Variants in FCHSD2 observed in about 807,000 individuals in gnomAD.
FCHSD2 encodes FCH and double SH3 domains 2.
In FCHSD2, 38 loss-of-function variants were observed where a neutral mutation model predicts 108.1. That is an observed-to-expected ratio of 0.35 (90% CI 0.27 to 0.46). The LOEUF (loss-of-function observed/expected upper bound fraction) is 0.46, where lower values mean the gene tolerates loss of function less well. Ranked by LOEUF, FCHSD2 falls within the 20% of genes least tolerant of loss-of-function variation. FCHSD2 has a pLI of 1.00. For synonymous variants in FCHSD2, 279 were observed against 314.7 expected, an observed-to-expected ratio of 0.89 and a Z score of 1.20; for missense variants, 751 against 897.8, an observed-to-expected ratio of 0.84 and a Z score of 2.09.
intron 13 of FCHSD2, among the ~76,000 whole-genome samples, chr11:72,864,765 T>C (rs1353596072): frequency 1.3e-5 from 2 of 152,208 alleles, no homozygotes; most frequent in Non-Finnish European, 1.5e-5. Flanking sequence ...ATATCAAAAG[T>C]CAGGTTGTCA....
intron 8 of FCHSD2, 31 bp from the exon 9 acceptor site, chr11:72,921,981 A>T: frequency 6.6e-7 from 1 of 1,511,018 alleles, no homozygotes; most frequent in East Asian, 2.4e-5. Flanking sequence ...AAAGAAAAAA[A>T]ATTACAGTAA....
chr11:73,121,031 C>T (rs1860722021), intron 2 of FCHSD2, among the ~76,000 whole-genome samples: 1 of 152,072 alleles, frequency 6.6e-6, no homozygotes, highest in African/African-American at 2.4e-5. Flanking sequence ...GCAGAGCTTA[C>T]ACCTCTTCTC....
At position 72,842,767 on chromosome 11, in the gene FCHSD2, T is replaced by C. The variant is rs895684977; in HGVS notation, c.1780A>G (p.Ile594Val). 6.2e-7 allele frequency: 1 copy of C among 1,613,870 alleles called. No homozygotes were observed. Among genetic ancestry groups the C allele is most frequent in the Non-Finnish European group, 8.5e-7 (1 of 1,179,878 alleles). The change falls in exon 17 of 20, where the codon ATC becomes GTC. Residue 594 changes from isoleucine (I) to valine (V), a missense_variant. Ile to Val is a conservative substitution (Grantham distance 29). Transcript: ENST00000409418. Reference protein sequence around the residue: ...DELSFPEGAIIRILNKENQDD... With the variant: ...DELSFPEGAIVRILNKENQDD... ...TGGTTTTCTTTGTTCAAGATACGGATTATTGCTCCCTCAGGAAAAGATAAC... is the reference window on the plus strand; with the variant it reads ...TGGTTTTCTTTGTTCAAGATACGGACTATTGCTCCCTCAGGAAAAGATAAC...
chr11:73,096,658 T>G (rs539338110), intron 2 of FCHSD2, among the ~76,000 whole-genome samples: 2 of 152,262 alleles, frequency 1.3e-5, no homozygotes, highest in Admixed American at 1.3e-4. Flanking sequence ...TGCATCCTTG[T>G]GTTCTTCCTG....
intron 3 of FCHSD2, among the ~76,000 whole-genome samples, chr11:73,028,632 A>G (rs1858285082): frequency 6.6e-6 from 1 of 152,172 alleles, no homozygotes; most frequent in Non-Finnish European, 1.5e-5. Context: ...TGAGAAGGAC[A>G]TGAGATTTGG....
chr11:72,928,479 G>A (rs749221039), intron 8 of FCHSD2, among the ~76,000 whole-genome samples: 2 of 152,080 alleles, frequency 1.3e-5, no homozygotes, highest in Non-Finnish European at 2.9e-5. Context: ...GGCCTAGAAT[G>A]TCCTTCCCCC....
rs540294849 is a variant in FCHSD2, at chr11:72,966,456, G to A, written c.705+17632C>T. On this transcript the variant is annotated intron_variant, in intron 8 of 19. Coordinates refer to ENST00000409418, the MANE Select transcript of FCHSD2 (RefSeq NM_014824.3). ...ATTACAAGTGTGAACCACCACACCC[G>A]GACTAAACTGAGCATATTACTTTGT... 1.5e-4 allele frequency among the ~76,000 whole-genome samples: 23 copies of A among 152,074 alleles called. No homozygotes were observed. The East Asian group carries it at 3.9e-3, about 26-fold the overall frequency.
chr11:73,017,151 T>G (rs1018576308), intron 3 of FCHSD2, among the ~76,000 whole-genome samples: 8 of 152,048 alleles, frequency 5.3e-5, no homozygotes, highest in African/African-American at 1.9e-4. Context: ...CCCAGCTAAC[T>G]TTTTGTATTT....
rs180987795 is a variant in FCHSD2, at chr11:72,849,719, C to G, written c.1443+36G>C. The G allele has an allele frequency of 1.2e-5, 18 of 1,524,150 alleles. No individual in the cohort carries two copies. The East Asian group carries it at 3.6e-4, about 30-fold the overall frequency. The allele number at this position is 1,524,150 out of a possible 1,614,324, so 94.4% of individuals were successfully genotyped here. A position where few individuals can be genotyped will look rare whatever the true frequency, so the allele number is the denominator to read the frequency against. ...AGTCATGTGTATCTTCAGAGTTAAT[C>G]AGAATTTAATAACATTATGTTGGAG... On this transcript the variant is annotated intron_variant, in intron 14 of 19. Coordinates refer to ENST00000409418, the MANE Select transcript of FCHSD2 (RefSeq NM_014824.3).
In FCHSD2 at chr11:73,035,336, G is replaced by C. The variant is rs117006866; in HGVS notation, c.166-19451C>G. Among the ~76,000 whole-genome samples the C allele has an allele frequency of 6.6e-4, 101 of 152,154 alleles. 2 individuals are homozygous for C. In the East Asian group the frequency reaches 0.018, roughly 27 times the overall value. On this transcript the variant is annotated intron_variant, in intron 3 of 19. Transcript: ENST00000409418. ...CTACAGGCACGCACCACTACTCCTG[G>C]CTTGTATTTTTTGTAGAGACGGGGG... is the stretch of plus-strand genomic sequence containing the variant.
chr11:73,104,230 TA>T (rs1174068281), intron 2 of FCHSD2, among the ~76,000 whole-genome samples: 1 of 152,268 alleles, frequency 6.6e-6, no homozygotes, highest in Non-Finnish European at 1.5e-5. Flanking sequence ...TAGTATCATT[TA>T]CTTTGCTTCT....
At chr11:72,960,970 A>C (rs903296294) in intron 8 of FCHSD2, among the ~76,000 whole-genome samples, 1 of 152,206 alleles carries the variant, frequency 6.6e-6, no homozygotes, top group African/African-American at 2.4e-5. Context: ...TTTGATCTAA[A>C]GCACTTTTTA....
intron 9 of FCHSD2, 141 bp from the exon 10 acceptor site, chr11:72,902,779 G>A (rs752848743): frequency 4.9e-5 from 27 of 552,700 alleles, no homozygotes; most frequent in Non-Finnish European, 6.9e-5. Flanking sequence ...ATGGTGTTAC[G>A]CATTTTATTT....
chr11:73,031,491 A>C (rs1591496595), intron 3 of FCHSD2, among the ~76,000 whole-genome samples: 1 of 152,156 alleles, frequency 6.6e-6, no homozygotes, highest in East Asian at 1.9e-4. Context: ...AGAGAGACAG[A>C]GAGAGAATAA....
intron 8 of FCHSD2, among the ~76,000 whole-genome samples, chr11:72,961,605 G>A (rs959830420): frequency 6.6e-6 from 1 of 152,120 alleles, no homozygotes; most frequent in Non-Finnish European, 1.5e-5. Flanking sequence ...ATACTTTTGA[G>A]AAATGAATCT....
intron 3 of FCHSD2, among the ~76,000 whole-genome samples, chr11:73,077,966 A>G (rs544674781): frequency 5.4e-4 from 82 of 152,328 alleles, no homozygotes; most frequent in African/African-American, 1.8e-3. Flanking sequence ...GAGTGAGGGC[A>G]GTAATGGCAG....
At chr11:72,922,343 T>G (rs1855991333) in intron 8 of FCHSD2, among the ~76,000 whole-genome samples, 2 of 152,214 alleles carry the variant, frequency 1.3e-5, no homozygotes, top group South Asian at 4.1e-4. Context: ...TTTCCCCCAA[T>G]CCATTATTGG....
intron 8 of FCHSD2, among the ~76,000 whole-genome samples, chr11:72,966,151 C>A (rs916862629): frequency 2.0e-5 from 3 of 150,936 alleles, no homozygotes; most frequent in African/African-American, 7.3e-5. Context: ...CTTTATTATT[C>A]TTCTTTGAAC....
chr11:73,052,307 T>C (rs1462473707), intron 3 of FCHSD2, among the ~76,000 whole-genome samples: 1 of 152,224 alleles, frequency 6.6e-6, no homozygotes, highest in African/African-American at 2.4e-5. Flanking sequence ...GCAATTGTAA[T>C]GACAAGAAAG....
Sources: allele counts gnomAD v4.1 joint callset (sites outside exome capture counted in the v4.1 genomes callset), GRCh38; gene constraint gnomAD v4.1.1; transcripts MANE v1.5; gene names NCBI Gene and HGNC (gene_info 2026-07-23, HGNC 2026-07-21).